NTM: variants seen among roughly 807,000 people sequenced by gnomAD.
The protein encoded by NTM is IgLON family member 2.
A neutral mutation model predicts 42.1 loss-of-function variants in NTM; 13 were observed. The ratio of observed to expected loss-of-function variants is 0.31; its 90% CI spans 0.20 to 0.49. NTM has a LOEUF of 0.49. Among genes scored for constraint, NTM ranks in the 20% least tolerant of loss-of-function variants. The probability of loss-of-function intolerance (pLI) is 0.99; values close to 1 mark genes in which losing one functional copy is unlikely to be tolerated. For synonymous variants in NTM, 187 were observed against 179.2 expected (o/e 1.04, Z -0.35); for missense variants, 373 against 452.8 (o/e 0.82, Z 1.60).
At chr11:132,050,413 T>A (rs1315211470) in intron 2 of NTM, among the ~76,000 whole-genome samples, 5 of 152,074 alleles carry the variant, frequency 3.3e-5, no homozygotes, top group Non-Finnish European at 4.4e-5. Flanking sequence ...ATTCCTGAAA[T>A]TGATTCCTAA....
At chr11:131,727,295 CAAAAGTATTTTAAATATATCTT>C (rs1357151142) in intron 1 of NTM, among the ~76,000 whole-genome samples, 1 of 152,080 alleles carries the variant, frequency 6.6e-6, no homozygotes, top group East Asian at 1.9e-4. Flanking sequence ...GTAGCATAAT[CAAAAGTATTTTAAATATATCTT>C]AAAAGTGGGG....
At chr11:131,823,350 C>T (rs151151906) in intron 1 of NTM, among the ~76,000 whole-genome samples, 115 of 152,284 alleles carry the variant, frequency 7.6e-4, no homozygotes, top group African/African-American at 2.5e-3. Context: ...TTGTTCTCCA[C>T]GTGATGACTA....
chr11:131,942,316 C>T (rs1370753924), intron 2 of NTM, among the ~76,000 whole-genome samples: 11 of 152,204 alleles, frequency 7.2e-5, no homozygotes, highest in African/African-American at 2.7e-4. Flanking sequence ...TGCATGACTT[C>T]TTCCAGGGGA....
intron 1 of NTM, among the ~76,000 whole-genome samples, chr11:131,789,287 G>A (rs550679750): frequency 4.0e-4 from 60 of 150,798 alleles, no homozygotes; most frequent in African/African-American, 1.5e-3. Flanking sequence ...GCAGTTAAGA[G>A]TATTTTAAAA....
rs544528711 is a variant in NTM, at chr11:131,886,261, C to T, written c.83-25303C>T. On this transcript the variant is annotated intron_variant, in intron 1 of 8. Coordinates refer to ENST00000683400, the MANE Select transcript of NTM (RefSeq NM_001352005.2). ...TGGTTCACGCCATGAAAACCACCAGCTTCTATTTAATAAAACCAAGCCCCC... is the reference window on the plus strand; with the variant it reads ...TGGTTCACGCCATGAAAACCACCAGTTTCTATTTAATAAAACCAAGCCCCC... Among the ~76,000 whole-genome samples, 6 of 152,290 alleles carry T rather than the reference C, an allele frequency of 3.9e-5. No individual in the cohort carries two copies. The East Asian group carries it at 1.2e-3, about 29-fold the overall frequency.
chr11:131,810,444 A>T (rs922984700), intron 1 of NTM, among the ~76,000 whole-genome samples: 1 of 152,178 alleles, frequency 6.6e-6, no homozygotes, highest in African/African-American at 2.4e-5. Flanking sequence ...GCACCCCCCA[A>T]TCTGGACAAA....
intron 4 of NTM, among the ~76,000 whole-genome samples, chr11:132,246,369 A>G (rs1468824532): frequency 6.6e-6 from 1 of 152,200 alleles, no homozygotes; most frequent in Non-Finnish European, 1.5e-5. Context: ...TAAAGCTCCC[A>G]ACAGCCCAGT....
At chr11:132,118,491 G>A (rs988962069) in intron 2 of NTM, among the ~76,000 whole-genome samples, 4 of 152,192 alleles carry the variant, frequency 2.6e-5, no homozygotes, top group South Asian at 2.1e-4. Context: ...TGTTTTCATC[G>A]CAATCGCACA....
At chr11:131,446,569 C>T (rs774560326) in intron 1 of NTM, among the ~76,000 whole-genome samples, 2 of 152,208 alleles carry the variant, frequency 1.3e-5, no homozygotes, top group African/African-American at 2.4e-5. Flanking sequence ...CACCTAGGCG[C>T]ACATTCGCCT....
chr11:132,236,681 T>C (rs2088989418), intron 4 of NTM, among the ~76,000 whole-genome samples: 1 of 152,170 alleles, frequency 6.6e-6, no homozygotes, highest in Non-Finnish European at 1.5e-5. Flanking sequence ...ATAGCACTGC[T>C]GTAGAAAGGC....
intron 2 of NTM, among the ~76,000 whole-genome samples, chr11:132,058,050 A>T (rs777232474): frequency 1.3e-5 from 2 of 152,000 alleles, no homozygotes; most frequent in East Asian, 3.9e-4. Context: ...ATACAGTCCT[A>T]TTCTCCTTTC....
Position 131,457,902 on chromosome 11 carries a change from A to G in NTM, c.82+87014A>G, listed in dbSNP as rs1019035535. Reference sequence around the variant, plus strand: ...ATGAGAAGGCAGTGATCTGCAACCCAGAAGAGAGCCCTCACAGAAGCCAGA... The same window carrying G: ...ATGAGAAGGCAGTGATCTGCAACCCGGAAGAGAGCCCTCACAGAAGCCAGA... On this transcript the variant is annotated intron_variant, in intron 1 of 8. Coordinates refer to ENST00000683400, the MANE Select transcript of NTM (RefSeq NM_001352005.2). 2.6e-5 allele frequency among the ~76,000 whole-genome samples: 4 copies of G among 152,152 alleles called. 1 individual carries two copies. The East Asian group carries it at 7.7e-4, about 29-fold the overall frequency.
At chr11:131,749,323 A>G (rs2082194120) in intron 1 of NTM, among the ~76,000 whole-genome samples, 3 of 152,216 alleles carry the variant, frequency 2.0e-5, no homozygotes, top group Non-Finnish European at 2.9e-5. Context: ...AATGATACAG[A>G]TATCCACTCC....
chr11:132,213,571 T>A (rs1231632563), intron 4 of NTM, among the ~76,000 whole-genome samples: 1 of 152,020 alleles, frequency 6.6e-6, no homozygotes, highest in Non-Finnish European at 1.5e-5. Context: ...GTGTCCACTA[T>A]ACTTCAACAT....
At chr11:131,555,160 T>C (rs2055235371) in intron 1 of NTM, among the ~76,000 whole-genome samples, 1 of 152,076 alleles carries the variant, frequency 6.6e-6, no homozygotes, top group African/African-American at 2.4e-5. Flanking sequence ...AGACCCAGTC[T>C]CAAAAACAAA....
intron 1 of NTM, among the ~76,000 whole-genome samples, chr11:131,455,080 C>T (rs894951772): frequency 3.9e-5 from 6 of 152,174 alleles, no homozygotes; most frequent in South Asian, 2.1e-4. Context: ...TGCTGTTCAA[C>T]GCAAGCATGA....
At chr11:131,697,371 G>T (rs957227302) in intron 1 of NTM, among the ~76,000 whole-genome samples, 9 of 152,192 alleles carry the variant, frequency 5.9e-5, no homozygotes, top group African/African-American at 1.9e-4. Context: ...CCAGAGTACT[G>T]TCTGATTGTT....
At chr11:132,273,106 A>C (rs1444833969) in intron 4 of NTM, among the ~76,000 whole-genome samples, 1 of 151,786 alleles carries the variant, frequency 6.6e-6, no homozygotes, top group South Asian at 2.1e-4. Context: ...TGTTTTTTTT[A>C]TCATGAAGGA....
intron 3 of NTM, among the ~76,000 whole-genome samples, chr11:132,182,959 T>A (rs12797702): frequency 2.2e-4 from 34 of 152,298 alleles, no homozygotes; most frequent in Admixed American, 5.9e-4. Context: ...GGAATTCACA[T>A]TTTCTGTAAG....
Sources: allele counts gnomAD v4.1 joint callset (sites outside exome capture counted in the v4.1 genomes callset), GRCh38; gene constraint gnomAD v4.1.1; transcripts MANE v1.5; gene names NCBI Gene and HGNC (gene_info 2026-07-23, HGNC 2026-07-21).